Variants in CFAP47 observed in about 807,000 individuals in gnomAD.
The protein encoded by CFAP47 is cilia- and flagella-associated protein 47.
Under a neutral mutation model 148.1 loss-of-function variants are expected in CFAP47, and 29 were observed. The ratio of observed to expected loss-of-function variants is 0.20; its 90% CI spans 0.15 to 0.27. CFAP47 has a LOEUF of 0.27. Among genes scored for constraint, CFAP47 ranks in the 10% least tolerant of loss-of-function variants. The pLI is 1.00. For synonymous variants in CFAP47, 664 were observed against 577.3 expected (o/e 1.15, Z -2.15); for missense variants, 1,872 against 1,697.5 (o/e 1.10, Z -1.81).
intron 33 of CFAP47, among the ~76,000 whole-genome samples, chrX:36,129,788 A>C (rs976570744): frequency 2.7e-5 from 3 of 111,443 alleles, no homozygotes; most frequent in African/African-American, 9.7e-5. Flanking sequence ...AATGAAATAA[A>C]AATGAGGAAA....
At position 36,359,215 on chromosome X, in the gene CFAP47, C is replaced by T. The variant is rs1195747288; in HGVS notation, c.8852-2115C>T. Among the ~76,000 whole-genome samples the T allele has an allele frequency of 2.7e-5, 3 of 111,845 alleles. No homozygotes were observed. In the East Asian group the frequency reaches 8.4e-4, roughly 31 times the overall value. Reference sequence around the variant, plus strand: ...TTTGCCCCTTATTCATGAATTTAGCCATAGCTATAAAGTTTCCCCGAGGTA... The same window carrying T: ...TTTGCCCCTTATTCATGAATTTAGCTATAGCTATAAAGTTTCCCCGAGGTA... On this transcript the variant is annotated intron_variant, in intron 60 of 63. Coordinates refer to ENST00000378653, the MANE Select transcript of CFAP47 (RefSeq NM_001304548.2).
chrX:36,327,520 A>T (rs1941527792), intron 57 of CFAP47, among the ~76,000 whole-genome samples: 1 of 111,942 alleles, frequency 8.9e-6, no homozygotes, highest in Admixed American at 9.5e-5. Flanking sequence ...TGTTGGTGTG[A>T]ATGTAAATTA....
At chrX:36,270,088 G>T (rs73199340) in intron 49 of CFAP47, among the ~76,000 whole-genome samples, 11,930 of 110,805 alleles carry the variant, frequency 0.11, 861 homozygotes, top group African/African-American at 0.25. Flanking sequence ...TTTCCCCTAT[G>T]TTTTGGCAAT....
intron 1 of CFAP47, among the ~76,000 whole-genome samples, chrX:35,924,154 CATATATGT>C (rs1177116974): frequency 2.2e-5 from 2 of 91,962 alleles, no homozygotes; most frequent in East Asian, 7.0e-4. Flanking sequence ...TGTATGCGTA[CATATATGT>C]ATATATGTAC....
In CFAP47 at chrX:36,248,828, C is replaced by T. The variant is rs782509607; in HGVS notation, c.7333-2505C>T. 2.7e-4 allele frequency among the ~76,000 whole-genome samples: 30 copies of T among 110,670 alleles called. No individual in the cohort carries two copies. The South Asian group carries it at 0.011, about 41-fold the overall frequency. On this transcript the variant is annotated intron_variant, in intron 48 of 63. Coordinates refer to ENST00000378653, the MANE Select transcript of CFAP47 (RefSeq NM_001304548.2). Reference sequence around the variant, plus strand: ...AATTTAAAAGCGAGGTAATCATGTACAGTATGATTTTTGACAACCACGGAA... The same window carrying T: ...AATTTAAAAGCGAGGTAATCATGTATAGTATGATTTTTGACAACCACGGAA...
rs190506471 is a variant in CFAP47, at chrX:35,972,487, C to T, written c.2254+522C>T. 2.9e-3 allele frequency among the ~76,000 whole-genome samples: 320 copies of T among 111,371 alleles called. 1 individual carries two copies. The highest frequency in any genetic ancestry group is 9.7e-3 in the African/African-American group (299 of 30,674). ...CCTCAAGTGACCCACCAGCCTTGGTCTCCCCAAATGCTGTGATTACAGAGT... is the reference window on the plus strand; with the variant it reads ...CCTCAAGTGACCCACCAGCCTTGGTTTCCCCAAATGCTGTGATTACAGAGT... On this transcript the variant is annotated intron_variant, in intron 13 of 63. Coordinates refer to ENST00000378653, the MANE Select transcript of CFAP47 (RefSeq NM_001304548.2).
chrX:36,186,349 C>T (rs1555985616), intron 40 of CFAP47, among the ~76,000 whole-genome samples: 1 of 111,399 alleles, frequency 9.0e-6, no homozygotes, highest in African/African-American at 3.3e-5. Context: ...CACTTCTCAA[C>T]TGCTCAGGGG....
chrX:36,240,518 A>G (rs1555995813), intron 48 of CFAP47, among the ~76,000 whole-genome samples: 1 of 111,601 alleles, frequency 9.0e-6, no homozygotes, highest in African/African-American at 3.3e-5. Flanking sequence ...TCAACAGTAG[A>G]TGTAAGCTGG....
chrX:36,107,816 T>G (rs1403573250), intron 33 of CFAP47, among the ~76,000 whole-genome samples: 2 of 111,667 alleles, frequency 1.8e-5, no homozygotes, highest in Non-Finnish European at 3.8e-5. Flanking sequence ...TTCCTCAATC[T>G]TGCTATTTAC....
chrX:35,930,846 A>G lies in CFAP47; in HGVS notation c.401+4678A>G, dbSNP rs773104454. Among the ~76,000 whole-genome samples, 27 of 111,724 alleles carry G rather than the reference A, an allele frequency of 2.4e-4. No individual in the cohort carries two copies. In the South Asian group the frequency reaches 9.2e-3, roughly 38 times the overall value. On this transcript the variant is annotated intron_variant, in intron 2 of 63. Coordinates refer to ENST00000378653, the MANE Select transcript of CFAP47 (RefSeq NM_001304548.2). ...TGTGTATTTTGTCCTTTTTAAAAGT[A>G]TTGCTAGTGGTTTATCAACTTTATA...
At chrX:36,171,839 T>G (rs1300436629) in intron 39 of CFAP47, among the ~76,000 whole-genome samples, 4 of 110,410 alleles carry the variant, frequency 3.6e-5, no homozygotes, top group Admixed American at 9.7e-5. Flanking sequence ...GTGAAGAAAG[T>G]CATTGGTAGC....
intron 29 of CFAP47, among the ~76,000 whole-genome samples, chrX:36,073,967 G>T (rs1371419726): frequency 8.9e-6 from 1 of 112,087 alleles, no homozygotes; most frequent in African/African-American, 3.2e-5. Flanking sequence ...TCTCAGCAAT[G>T]AGGTAACTTG....
In CFAP47 at chrX:36,130,839, T is replaced by C. The variant is rs770303845; in HGVS notation, c.5321-7119T>C. Among the ~76,000 whole-genome samples the C allele has an allele frequency of 3.6e-5, 4 of 111,388 alleles. No individual in the cohort carries two copies. The South Asian group carries it at 1.1e-3, about 31-fold the overall frequency. On this transcript the variant is annotated intron_variant, in intron 33 of 63. Coordinates refer to ENST00000378653, the MANE Select transcript of CFAP47 (RefSeq NM_001304548.2). Reference sequence around the variant, plus strand: ...TAAGCCATGCACAGATAAACAAACATTGTGTGTTCTCATTTATTTGTGGAA... The same window carrying C: ...TAAGCCATGCACAGATAAACAAACACTGTGTGTTCTCATTTATTTGTGGAA...
Position 36,146,802 on chromosome X carries a change from C to T in CFAP47, c.5670+1449C>T, listed in dbSNP as rs753070178. 1.6e-4 allele frequency among the ~76,000 whole-genome samples: 14 copies of T among 88,143 alleles called. No homozygotes were observed. The East Asian group carries it at 2.1e-3, about 13-fold the overall frequency. The allele number at this position is 88,143 out of a possible 115,157, so 76.5% of individuals were successfully genotyped here. Reference sequence around the variant, plus strand: ...TCTTTTTTTTTTTTTTTTTTTGAGACGGAGTTTCACTCTTGTTGCCCAGGC... The same window carrying T: ...TCTTTTTTTTTTTTTTTTTTTGAGATGGAGTTTCACTCTTGTTGCCCAGGC... On this transcript the variant is annotated intron_variant, in intron 36 of 63. Coordinates refer to ENST00000378653, the MANE Select transcript of CFAP47 (RefSeq NM_001304548.2).
At position 36,190,870 on chromosome X, in the gene CFAP47, C is replaced by T. The variant is rs781808767; in HGVS notation, c.6321+674C>T. Among the ~76,000 whole-genome samples, 4 of 111,409 alleles carry T rather than the reference C, an allele frequency of 3.6e-5. No individual in the cohort carries two copies. The East Asian group carries it at 1.1e-3, about 32-fold the overall frequency. On this transcript the variant is annotated intron_variant, in intron 42 of 63. Coordinates refer to ENST00000378653, the MANE Select transcript of CFAP47 (RefSeq NM_001304548.2). ...AGCATTACCTGCTTCCAGAGAGACACTGCCATGTGTTGACCTTAGGAAGAA... is the reference window on the plus strand; with the variant it reads ...AGCATTACCTGCTTCCAGAGAGACATTGCCATGTGTTGACCTTAGGAAGAA...
At chrX:36,269,604 A>G (rs782182560) in intron 49 of CFAP47, among the ~76,000 whole-genome samples, 1 of 112,411 alleles carries the variant, frequency 8.9e-6, no homozygotes, top group Non-Finnish European at 1.9e-5. Flanking sequence ...GCTTGCTGGA[A>G]GGGATGGGCA....
intron 6 of CFAP47, 35 bp from the exon 7 acceptor site, chrX:35,953,557 T>A: frequency 9.0e-7 from 1 of 1,108,511 alleles, no homozygotes; most frequent in Non-Finnish European, 1.2e-6. Flanking sequence ...ATATCAACTT[T>A]GCTTTAAAAA....
At chrX:36,079,886 A>G (rs1937940100) in intron 29 of CFAP47, among the ~76,000 whole-genome samples, 1 of 112,039 alleles carries the variant, frequency 8.9e-6, no homozygotes. Context: ...CTTCATGTCT[A>G]AAACACCAAA....
At chrX:35,927,264 C>G (rs1341780003) in intron 2 of CFAP47, among the ~76,000 whole-genome samples, 3 of 111,319 alleles carry the variant, frequency 2.7e-5, no homozygotes, top group Non-Finnish European at 5.7e-5. Flanking sequence ...GCACATCATC[C>G]CATTTTTGCA....
Sources: gnomAD v4.1 joint callset for allele counts (sites outside exome capture counted in the v4.1 genomes callset) on GRCh38, gnomAD v4.1.1 for gene constraint, MANE v1.5 for transcripts, NCBI Gene and HGNC (gene_info 2026-07-23, HGNC 2026-07-21) for gene names.